Variants in CDH9 observed in about 807,000 individuals in gnomAD.
CDH9 encodes cadherin-9.
A neutral mutation model predicts 70.9 loss-of-function variants in CDH9; 28 were observed. The ratio of observed to expected loss-of-function variants is 0.40; its 90% CI spans 0.29 to 0.54. The LOEUF is 0.54. Among genes scored for constraint, CDH9 ranks in the 20% least tolerant of loss-of-function variants. CDH9 has a pLI of 0.59. For synonymous variants in CDH9, 409 were observed against 343.1 expected, an observed-to-expected ratio of 1.19 and a Z score of -2.12; for missense variants, 874 against 984.4, an observed-to-expected ratio of 0.89 and a Z score of 1.50.
At chr5:26,889,988 C>A in intron 8 of CDH9, 31 bp from the exon 9 acceptor site, 1 of 1,601,916 alleles carries the variant, frequency 6.2e-7, no homozygotes, top group Non-Finnish European at 8.5e-7. Flanking sequence ...AGATTTCAGT[C>A]TCATTTACAC....
At chr5:27,014,248 GC>G (rs1433199065) in intron 1 of CDH9, among the ~76,000 whole-genome samples, 3 of 151,952 alleles carry the variant, frequency 2.0e-5, no homozygotes, top group Non-Finnish European at 4.4e-5. Flanking sequence ...GATAGATCAA[GC>G]TTTTTGAAGC....
At chr5:27,012,787 T>C (rs3811924) in intron 1 of CDH9, among the ~76,000 whole-genome samples, 79,262 of 151,842 alleles carry the variant, frequency 0.52, 22,181 homozygotes, top group African/African-American at 0.69. Context: ...TGCCAATCAC[T>C]TATTAGAACT....
At position 26,965,201 on chromosome 5, in the gene CDH9, T is replaced by TA. The variant is rs796500368; in HGVS notation, c.228+22904dup. Reference sequence around the variant, plus strand: ...ATTCTATCAAAAAAATGAAATCTTTTAAAATTAAAACACTCACATGCCATT... The same window carrying TA: ...ATTCTATCAAAAAAATGAAATCTTTTAAAAATTAAAACACTCACATGCCATT... On this transcript the variant is annotated intron_variant, in intron 2 of 11. Coordinates refer to ENST00000231021, the MANE Select transcript of CDH9 (RefSeq NM_016279.4). 5.3e-5 allele frequency among the ~76,000 whole-genome samples: 8 copies of TA among 152,238 alleles called. 1 individual carries two copies. The highest frequency in any genetic ancestry group is 1.9e-4 in the African/African-American group (8 of 41,542).
At chr5:26,920,732 C>T (rs538875919) in intron 2 of CDH9, among the ~76,000 whole-genome samples, 15 of 152,140 alleles carry the variant, frequency 9.9e-5, no homozygotes, top group Admixed American at 2.0e-4. Flanking sequence ...CCAGATCTCA[C>T]TCAAGACCAC....
At chr5:26,984,677 T>C (rs1742460230) in intron 2 of CDH9, among the ~76,000 whole-genome samples, 1 of 152,116 alleles carries the variant, frequency 6.6e-6, no homozygotes, top group African/African-American at 2.4e-5. Flanking sequence ...CTGAGCAGTA[T>C]TGCAATTCTA....
chr5:26,950,621 A>T (rs1238044900), intron 2 of CDH9, among the ~76,000 whole-genome samples: 1 of 152,220 alleles, frequency 6.6e-6, no homozygotes, highest in Non-Finnish European at 1.5e-5. Context: ...AAAAATAAAA[A>T]ATGAAATATT....
At chr5:27,019,871 C>T (rs1579516712) in intron 1 of CDH9, among the ~76,000 whole-genome samples, 2 of 151,792 alleles carry the variant, frequency 1.3e-5, no homozygotes, top group Admixed American at 6.6e-5. Flanking sequence ...TAATATTCGT[C>T]TACCACATAG....
At chr5:26,918,335 G>A (rs1741182623) in intron 2 of CDH9, among the ~76,000 whole-genome samples, 7 of 152,056 alleles carry the variant, frequency 4.6e-5, no homozygotes, top group African/African-American at 2.4e-5. Flanking sequence ...TAGGATGGAT[G>A]AGCCTGCTCT....
At chr5:26,886,255 T>A (rs1030167967) in intron 9 of CDH9, among the ~76,000 whole-genome samples, 172 bp from the exon 10 acceptor site, 19 of 152,324 alleles carry the variant, frequency 1.2e-4, no homozygotes, top group Non-Finnish European at 2.6e-4. Context: ...TTTTACAGTT[T>A]TGTCTTAGAT....
chr5:26,887,476 G>A (rs1475156447), intron 9 of CDH9, among the ~76,000 whole-genome samples: 1 of 149,640 alleles, frequency 6.7e-6, no homozygotes, highest in East Asian at 2.0e-4. Flanking sequence ...ATTATAATTA[G>A]TTAATATTAA....
intron 5 of CDH9, among the ~76,000 whole-genome samples, chr5:26,904,689 T>C (rs900333026): frequency 1.3e-5 from 2 of 152,078 alleles, no homozygotes; most frequent in Admixed American, 1.3e-4. Flanking sequence ...GTTAAGAATA[T>C]GAGTAAATAA....
chr5:27,036,585 G>C (rs1018801062), intron 1 of CDH9, among the ~76,000 whole-genome samples: 6 of 151,616 alleles, frequency 4.0e-5, no homozygotes. Context: ...TATCTCATAG[G>C]ACTATTGTTT....
intron 2 of CDH9, among the ~76,000 whole-genome samples, chr5:26,935,558 T>C (rs1372915122): frequency 6.6e-6 from 1 of 152,150 alleles, no homozygotes; most frequent in African/African-American, 2.4e-5. Flanking sequence ...AATGAGATAC[T>C]AGTTTACTTC....
intron 1 of CDH9, among the ~76,000 whole-genome samples, chr5:27,008,232 A>C (rs1742900181): frequency 6.6e-6 from 1 of 152,116 alleles, no homozygotes; most frequent in Non-Finnish European, 1.5e-5. Context: ...GGGGTGGCTC[A>C]CGCCTGTAAT....
intron 2 of CDH9, among the ~76,000 whole-genome samples, chr5:26,962,243 G>A (rs547630022): frequency 6.6e-6 from 1 of 152,142 alleles, no homozygotes; most frequent in South Asian, 2.1e-4. Flanking sequence ...CATTTCTGTT[G>A]GTTCCGTCTT....
chr5:27,022,946 T>A (rs572758082), intron 1 of CDH9, among the ~76,000 whole-genome samples: 2 of 152,074 alleles, frequency 1.3e-5, no homozygotes, highest in African/African-American at 2.4e-5. Flanking sequence ...TTCTTTTTTT[T>A]TTATTTTCCT....
chr5:26,918,908 T>C (rs1010030165), intron 2 of CDH9, among the ~76,000 whole-genome samples: 2 of 152,200 alleles, frequency 1.3e-5, no homozygotes, highest in Admixed American at 1.3e-4. Context: ...TCCAATTCCT[T>C]ATAATAAAAT....
At chr5:27,008,145 A>G (rs1396058342) in intron 1 of CDH9, among the ~76,000 whole-genome samples, 1 of 152,154 alleles carries the variant, frequency 6.6e-6, no homozygotes, top group East Asian at 1.9e-4. Context: ...TATTTTTATT[A>G]TATCTAGCAT....
intron 1 of CDH9, among the ~76,000 whole-genome samples, chr5:27,017,440 T>TG (rs397970619): frequency 5.9e-4 from 90 of 151,384 alleles, no homozygotes; most frequent in African/African-American, 1.9e-3. Flanking sequence ...AAATTTTTTT[T>TG]GGGGGGGCAA....
Sources: gnomAD v4.1 joint callset for allele counts (sites outside exome capture counted in the v4.1 genomes callset) on GRCh38, gnomAD v4.1.1 for gene constraint, MANE v1.5 for transcripts, NCBI Gene and HGNC (gene_info 2026-07-23, HGNC 2026-07-21) for gene names.